The following SMARCB1 variants were observed in gnomAD, a reference collection of about 807,000 sequenced individuals.
The protein encoded by SMARCB1 is SWI/SNF-related matrix-associated actin-dependent regulator of chromatin subfamily B member 1.
SMARCB1 carries 5 observed loss-of-function variants against 49.0 expected under a neutral mutation model. The ratio of observed to expected loss-of-function variants is 0.10; its 90% CI spans 0.05 to 0.21. The LOEUF (loss-of-function observed/expected upper bound fraction) is 0.21, where lower values mean the gene tolerates loss of function less well. Ranked by LOEUF, SMARCB1 falls within the 10% of genes least tolerant of loss-of-function variation. SMARCB1 has a pLI of 1.00. For missense variants in SMARCB1, 226 were observed against 509.2 expected, an observed-to-expected ratio of 0.44 and a Z score of 5.35; for synonymous variants, 201 against 200.1, an observed-to-expected ratio of 1.00 and a Z score of -0.04.
chr22:23,818,966 G>A (rs2029929872), intron 6 of SMARCB1, among the ~76,000 whole-genome samples: 1 of 151,958 alleles, frequency 6.6e-6, no homozygotes, highest in Non-Finnish European at 1.5e-5. Context: ...GCAGCCTCCT[G>A]AGTAGCTGGG....
At chr22:23,826,223 T>G (rs1175622881) in intron 7 of SMARCB1, 3 of 144,382 alleles carry the variant, frequency 2.1e-5, no homozygotes, top group Admixed American at 7.1e-5. Flanking sequence ...AAGACCAGCC[T>G]GGGAAAAACA....
At chr22:23,822,861 C>T (rs1410057483) in intron 6 of SMARCB1, among the ~76,000 whole-genome samples, 1 of 151,084 alleles carries the variant, frequency 6.6e-6, no homozygotes, top group Non-Finnish European at 1.5e-5. Context: ...ACTTTCTCCC[C>T]CTCCCTCCCT....
At chr22:23,799,746 G>A (rs569106313) in intron 3 of SMARCB1, among the ~76,000 whole-genome samples, 45 of 136,584 alleles carry the variant, frequency 3.3e-4, no homozygotes, top group Non-Finnish European at 4.7e-4. Context: ...GTGCAGTGGC[G>A]CAATGTTGGC....
At position 23,835,810 on chromosome 22, in the gene SMARCB1, C is replaced by G; in HGVS notation, c.*1630C>G. 8 of 985,494 alleles carry G rather than the reference C, an allele frequency of 8.1e-6. No homozygotes were observed. Among genetic ancestry groups the G allele is most frequent in the Non-Finnish European group, 9.6e-6 (8 of 829,966 alleles). 61.0% of individuals were successfully genotyped at this position (985,494 alleles called of 1,614,324 possible). On this transcript the variant is annotated 3_prime_UTR_variant, in exon 9 of 9. Coordinates refer to ENST00000644036, the MANE Select transcript of SMARCB1 (RefSeq NM_003073.5). ...GATGGAAGGAACCTTGGCTGCCTCA[C>G]CCCACAGGTCGGGCAGGGCCACCTG... is the stretch of plus-strand genomic sequence containing the variant.
At chr22:23,808,401 G>A (rs1283003221) in intron 5 of SMARCB1, among the ~76,000 whole-genome samples, 1 of 152,092 alleles carries the variant, frequency 6.6e-6, no homozygotes, top group East Asian at 1.9e-4. Flanking sequence ...GATTACAGGC[G>A]TGAGCCACGG....
intron 3 of SMARCB1, among the ~76,000 whole-genome samples, chr22:23,796,305 G>T (rs527874572): frequency 6.6e-6 from 1 of 152,162 alleles, no homozygotes. Flanking sequence ...GAAAGGCTAG[G>T]TTAGTGACGG....
chr22:23,827,566 C>T (rs182346030), intron 7 of SMARCB1, among the ~76,000 whole-genome samples: 18 of 152,308 alleles, frequency 1.2e-4, no homozygotes, highest in Admixed American at 7.8e-4. Flanking sequence ...CCCCCTGCCC[C>T]CTGCTCTCTC....
At position 23,816,876 on chromosome 22, in the gene SMARCB1, C is replaced by A. The variant is rs570024912; in HGVS notation, c.735C>A (p.Ile245=). 2.5e-6 allele frequency: 4 copies of A among 1,613,908 alleles called. No individual in the cohort carries two copies. The highest frequency in any genetic ancestry group is 3.4e-6 in the Non-Finnish European group (4 of 1,179,938). The change falls in exon 6 of 9, where the codon ATC becomes ATA. Residue 245 remains isoleucine, a synonymous_variant. Coordinates refer to ENST00000644036, the MANE Select transcript of SMARCB1 (RefSeq NM_003073.5). ...PAIASAIRQQ[I]ESYPTDSILE... is the part of the protein sequence containing the mutation. ...TCGCCTCTGCCATCAGACAGCAGAT[C>A]GAGTCCTACCCCACGGACAGCATCC...
intron 1 of SMARCB1, among the ~76,000 whole-genome samples, chr22:23,789,700 TG>T (rs1928254700): frequency 6.6e-6 from 1 of 152,206 alleles, no homozygotes; most frequent in African/African-American, 2.4e-5. Flanking sequence ...GAGACTCAGT[TG>T]GAGAGGCAGT....
rs1928023842 is a variant in SMARCB1, at chr22:23,787,043, C to T, written c.-127C>T. The T allele has an allele frequency of 9.8e-6, 6 of 615,378 alleles. No individual in the cohort carries two copies. Among genetic ancestry groups the T allele is most frequent in the Non-Finnish European group, 1.4e-5 (5 of 350,900 alleles). 38.1% of individuals were successfully genotyped at this position (615,378 alleles called of 1,614,324 possible). ...CGGCTGAGGAGCCCGGCTGAGGCGCCAGTACCCGGCCCGGTCCGCATTTCG... is the reference window on the plus strand; with the variant it reads ...CGGCTGAGGAGCCCGGCTGAGGCGCTAGTACCCGGCCCGGTCCGCATTTCG... On this transcript the variant is annotated 5_prime_UTR_variant, in exon 1 of 9. Coordinates refer to ENST00000644036, the MANE Select transcript of SMARCB1 (RefSeq NM_003073.5).
At chr22:23,812,360 G>C (rs529776001) in intron 5 of SMARCB1, among the ~76,000 whole-genome samples, 1 of 152,010 alleles carries the variant, frequency 6.6e-6, no homozygotes, top group South Asian at 2.1e-4. Flanking sequence ...AAATCTCTGG[G>C]CCCATATGAT....
Position 23,833,713 on chromosome 22 carries a change from G to A in SMARCB1, c.1118+10G>A, listed in dbSNP as rs2146042940. The A allele has an allele frequency of 6.2e-7, 1 of 1,613,908 alleles. No homozygotes were observed. Among genetic ancestry groups the A allele is most frequent in the Non-Finnish European group, 8.5e-7 (1 of 1,180,014 alleles). ...AGGACAGGAACACGAGGTACCCCTG[G>A]CCCTGTGGTCCTGGGCTCTGCCCAC... On this transcript the variant is annotated intron_variant, in intron 8 of 8. Transcript: ENST00000644036.
In SMARCB1 at chr22:23,787,124, C is replaced by G; in HGVS notation, c.-46C>G. 3 of 1,269,474 alleles carry G rather than the reference C, an allele frequency of 2.4e-6. No homozygotes were observed. Among genetic ancestry groups the G allele is most frequent in the Non-Finnish European group, 3.4e-6 (3 of 870,370 alleles). 78.6% of individuals were successfully genotyped at this position (1,269,474 alleles called of 1,614,324 possible). On this transcript the variant is annotated 5_prime_UTR_variant, in exon 1 of 9. Coordinates refer to ENST00000644036, the MANE Select transcript of SMARCB1 (RefSeq NM_003073.5). ...ACGCCCCGGCCCCGCCCCAGCCCTC[C>G]TGATCCCTCGCAGCCCGGCTCCGGC...
chr22:23,834,600 GGTATGTGAACAAGGTT>G lies in SMARCB1; in HGVS notation c.*422_*437del. On this transcript the variant is annotated 3_prime_UTR_variant, in exon 9 of 9. Coordinates refer to ENST00000644036, the MANE Select transcript of SMARCB1 (RefSeq NM_003073.5). Reference sequence around the variant, plus strand: ...GGCCGGGGCCTGGGGGGACGAAGGTGGTATGTGAACAAGGTTGGCACACAGGCCTCACCCTCCTCTG... The same window carrying G: ...GGCCGGGGCCTGGGGGGACGAAGGTGGGCACACAGGCCTCACCCTCCTCTG... 1.4e-6 allele frequency: 1 copy of G among 717,758 alleles called. No homozygotes were observed. The highest frequency in any genetic ancestry group is 1.5e-5 in the South Asian group (1 of 65,636). The allele number at this position is 717,758 out of a possible 1,614,324, so 44.5% of individuals were successfully genotyped here.
At chr22:23,795,059 G>T (rs1042972804) in intron 3 of SMARCB1, among the ~76,000 whole-genome samples, 2 of 152,004 alleles carry the variant, frequency 1.3e-5, no homozygotes, top group Non-Finnish European at 1.5e-5. Flanking sequence ...GTAAAAGATG[G>T]TCCATACCTT....
At chr22:23,790,660 T>G (rs970478461) in intron 1 of SMARCB1, among the ~76,000 whole-genome samples, 1 of 151,988 alleles carries the variant, frequency 6.6e-6, no homozygotes, top group Non-Finnish European at 1.5e-5. Context: ...CTGGGCAACA[T>G]GGTGAAACTC....
At chr22:23,830,834 T>C (rs1448563442) in intron 7 of SMARCB1, among the ~76,000 whole-genome samples, 3 of 152,010 alleles carry the variant, frequency 2.0e-5, no homozygotes, top group African/African-American at 7.2e-5. Context: ...GCTAATTTTT[T>C]GTTTTTAGTA....
At chr22:23,826,425 C>CAA (rs5844570) in intron 7 of SMARCB1, among the ~76,000 whole-genome samples, 4,822 of 110,546 alleles carry the variant, frequency 0.044, 261 homozygotes, top group African/African-American at 0.13. Flanking sequence ...ACCCTGTCTC[C>CAA]AAAAAAAAAA....
In SMARCB1 at chr22:23,833,644, G is replaced by A. The variant is rs1568962989; in HGVS notation, c.1059G>A (p.Leu353=). The A allele has an allele frequency of 1.9e-6, 3 of 1,614,196 alleles. No homozygotes were observed. Among genetic ancestry groups the A allele is most frequent in the East Asian group, 4.5e-5 (2 of 44,888 alleles). ...TGDADQWCPL[L]ETLTDAEMEK... is the part of the protein sequence containing the mutation. ...ATGCGGACCAGTGGTGCCCACTGCT[G>A]GAGACTCTGACAGACGCTGAGATGG... The change falls in exon 8 of 9, where the codon CTG becomes CTA. Residue 353 remains leucine (L), a synonymous_variant. Transcript: ENST00000644036.
Sources: allele counts gnomAD v4.1 joint callset (sites outside exome capture counted in the v4.1 genomes callset), GRCh38; gene constraint gnomAD v4.1.1; transcripts MANE v1.5; gene names NCBI Gene and HGNC (gene_info 2026-07-23, HGNC 2026-07-21).